The following SPATA16 variants were observed in gnomAD, a reference collection of about 807,000 sequenced individuals.
The protein encoded by SPATA16 is spermatogenesis associated 16.
Under a neutral mutation model 63.3 loss-of-function variants are expected in SPATA16, and 36 were observed. The ratio of observed to expected loss-of-function variants is 0.57; its 90% confidence interval spans 0.44 to 0.75. The LOEUF (loss-of-function observed/expected upper bound fraction) is 0.75, where lower values mean the gene tolerates loss of function less well. SPATA16 is among the 30% of genes least tolerant of loss of function. SPATA16 has a pLI of 0.00. For missense variants in SPATA16, 646 were observed against 679.3 expected (o/e 0.95, Z 0.54); for synonymous variants, 203 against 216.7 (o/e 0.94, Z 0.56).
At chr3:172,995,729 A>G (rs1422153908) in intron 4 of SPATA16, among the ~76,000 whole-genome samples, 2 of 152,150 alleles carry the variant, frequency 1.3e-5, no homozygotes, top group East Asian at 3.8e-4. Flanking sequence ...GAAAACAAAC[A>G]TAACAAACAA....
At chr3:173,065,351 G>A (rs1483269445) in intron 2 of SPATA16, among the ~76,000 whole-genome samples, 14 of 151,852 alleles carry the variant, frequency 9.2e-5, no homozygotes. Context: ...CATCTCTGTT[G>A]CTTCTTAGTT....
At chr3:172,911,023 T>A (rs1033244477) in intron 10 of SPATA16, among the ~76,000 whole-genome samples, 1 of 152,208 alleles carries the variant, frequency 6.6e-6, no homozygotes, top group Admixed American at 6.5e-5. Flanking sequence ...ATTCCATTTC[T>A]TTTTTGCCAA....
intron 1 of SPATA16, among the ~76,000 whole-genome samples, chr3:173,126,081 G>GC (rs767521773): frequency 0.037 from 5,630 of 152,124 alleles, 163 homozygotes; most frequent in Non-Finnish European, 0.051. Flanking sequence ...GTTACTCTAT[G>GC]TCAACAATAT....
At chr3:173,030,103 TACC>T (rs1735568902) in intron 3 of SPATA16, among the ~76,000 whole-genome samples, 1 of 140,836 alleles carries the variant, frequency 7.1e-6, no homozygotes, top group Non-Finnish European at 1.5e-5. Context: ...TCTATCTATC[TACC>T]CACCCACCTA....
intron 5 of SPATA16, among the ~76,000 whole-genome samples, chr3:172,969,910 A>T (rs1734009934): frequency 6.6e-6 from 1 of 152,216 alleles, no homozygotes; most frequent in Non-Finnish European, 1.5e-5. Context: ...CATAAAAAGA[A>T]CTTGCATCAG....
chr3:173,137,188 A>G (rs1348009662), intron 1 of SPATA16, among the ~76,000 whole-genome samples: 1 of 152,216 alleles, frequency 6.6e-6, no homozygotes, highest in Non-Finnish European at 1.5e-5. Context: ...AATGTCCCAG[A>G]AAGAAGCAGC....
chr3:173,118,148 C>T (rs77020735), intron 1 of SPATA16, among the ~76,000 whole-genome samples: 16,832 of 152,194 alleles, frequency 0.11, 1,154 homozygotes, highest in East Asian at 0.31. Flanking sequence ...GAACTCATTA[C>T]AAAATACACT....
chr3:172,898,044 A>G (rs1040653219), intron 10 of SPATA16, among the ~76,000 whole-genome samples: 2 of 152,008 alleles, frequency 1.3e-5, no homozygotes, highest in Admixed American at 6.5e-5. Flanking sequence ...ATCTGTTTAT[A>G]TGGTAGATTA....
At chr3:172,996,587 C>T (rs1734697890) in intron 4 of SPATA16, among the ~76,000 whole-genome samples, 1 of 152,146 alleles carries the variant, frequency 6.6e-6, no homozygotes, top group Non-Finnish European at 1.5e-5. Flanking sequence ...ACCACAACCT[C>T]CCCGACTGTC....
At chr3:172,903,959 A>G (rs1732181027) in intron 10 of SPATA16, among the ~76,000 whole-genome samples, 1 of 152,210 alleles carries the variant, frequency 6.6e-6, no homozygotes, top group South Asian at 2.1e-4. Flanking sequence ...TCTTTGTGCC[A>G]TTGACTTGTG....
intron 2 of SPATA16, among the ~76,000 whole-genome samples, chr3:173,054,708 G>A (rs1015438276): frequency 2.6e-5 from 4 of 152,016 alleles, no homozygotes; most frequent in Middle Eastern, 3.2e-3. Flanking sequence ...ACACGTGTAC[G>A]TATGCAACAA....
In SPATA16 at chr3:173,062,212, A is replaced by C. The variant is rs543468750; in HGVS notation, c.613-13118T>G. Among the ~76,000 whole-genome samples, 9 of 152,302 alleles carry C rather than the reference A, an allele frequency of 5.9e-5. No homozygotes were observed. The East Asian group carries it at 1.7e-3, about 29-fold the overall frequency. On this transcript the variant is annotated intron_variant, in intron 2 of 10. Coordinates refer to ENST00000351008, the MANE Select transcript of SPATA16 (RefSeq NM_031955.6). ...CTTCAGAGTTTTTGTTTCAGAGACC[A>C]CTAAATTCCAGTTACCTAATGTGAA...
chr3:173,017,142 T>A (rs1577133530), intron 4 of SPATA16, among the ~76,000 whole-genome samples: 1 of 152,324 alleles, frequency 6.6e-6, no homozygotes, highest in East Asian at 1.9e-4. Flanking sequence ...GGAATGACCT[T>A]ATACTGTATA....
rs1169518759 is a variant in SPATA16 at position 172,960,996 on chromosome 3, CTT to C, written c.934-4174_934-4173del. On this transcript the variant is annotated intron_variant, in intron 5 of 10. Transcript: ENST00000351008. The stretch of plus-strand genomic sequence containing the variant: ...CTTTTTCTCTTTCTCTTTCTTTTTT[CTT>C]TCTCTTTCTTTCTTTCTTTTTCTCT... Among the ~76,000 whole-genome samples the C allele has an allele frequency of 1.8e-5, 2 of 113,250 alleles. 1 individual carries two copies. The highest frequency in any genetic ancestry group is 6.7e-5 in the African/African-American group (2 of 29,708). The allele number at this position is 113,250 out of a possible 152,430, so 74.3% of individuals were successfully genotyped here.
intron 4 of SPATA16, among the ~76,000 whole-genome samples, chr3:172,985,136 C>T (rs542648692): frequency 6.6e-6 from 1 of 152,174 alleles, no homozygotes; most frequent in Admixed American, 6.5e-5. Flanking sequence ...GTCCTCCTCC[C>T]TTATCCCCCA....
Position 173,016,368 on chromosome 3 carries a change from C to G in SPATA16, c.848+3118G>C, listed in dbSNP as rs567022507. Among the ~76,000 whole-genome samples, 4 of 152,288 alleles carry G rather than the reference C, an allele frequency of 2.6e-5. No homozygotes were observed. In the South Asian group the frequency reaches 8.3e-4, roughly 32 times the overall value. On this transcript the variant is annotated intron_variant, in intron 4 of 10. Coordinates refer to ENST00000351008, the MANE Select transcript of SPATA16 (RefSeq NM_031955.6). ...TTTGGGCTTTTTAAATGAGGCTGTT[C>G]TGGGAATCATTCTGGCCTATTTACT...
At chr3:173,114,408 T>C (rs1737837483) in intron 2 of SPATA16, among the ~76,000 whole-genome samples, 1 of 152,186 alleles carries the variant, frequency 6.6e-6, no homozygotes, top group African/African-American at 2.4e-5. Context: ...GAAAATGGTG[T>C]GCTCGTGGAG....
intron 3 of SPATA16, among the ~76,000 whole-genome samples, chr3:173,035,529 A>G (rs1735697641): frequency 6.6e-6 from 1 of 152,216 alleles, no homozygotes; most frequent in African/African-American, 2.4e-5. Context: ...GGAAGGTGGG[A>G]GTCTATTAAG....
rs186972850 is a variant in SPATA16 at position 172,902,080 on chromosome 3, C to G, written c.1587+11581G>C. Among the ~76,000 whole-genome samples the G allele has an allele frequency of 3.3e-3, 502 of 152,308 alleles. 4 individuals carry two copies. The highest frequency in any genetic ancestry group is 0.011 in the African/African-American group (468 of 41,550). ...AGAGACGGAGTCTTGCTCTGTCACC[C>G]AGGCTGGAGTGCGGTGACATGATCT... is the stretch of plus-strand genomic sequence containing the variant. On this transcript the variant is annotated intron_variant, in intron 10 of 10. Coordinates refer to ENST00000351008, the MANE Select transcript of SPATA16 (RefSeq NM_031955.6).
Sources: gnomAD v4.1 joint callset for allele counts (sites outside exome capture counted in the v4.1 genomes callset) on GRCh38, gnomAD v4.1.1 for gene constraint, MANE v1.5 for transcripts, NCBI Gene and HGNC (gene_info 2026-07-23, HGNC 2026-07-21) for gene names.